Variants in CDC14B observed in about 807,000 individuals in gnomAD.
CDC14B encodes dual specificity protein phosphatase CDC14B.
In CDC14B, 22 loss-of-function variants were observed where a neutral mutation model predicts 64.2. The observed-to-expected ratio is 0.34, with a 90% CI of 0.24 to 0.49. CDC14B has a LOEUF of 0.49. Ranked by LOEUF, CDC14B falls within the 20% of genes least tolerant of loss-of-function variation. The pLI is 0.99. For synonymous variants in CDC14B, 191 were observed against 215.8 expected (o/e 0.89, Z 1.01); for missense variants, 498 against 629.9 (o/e 0.79, Z 2.24).
At chr9:96,616,931 G>A (rs1344170716) in intron 1 of CDC14B, among the ~76,000 whole-genome samples, 5 of 151,974 alleles carry the variant, frequency 3.3e-5, no homozygotes, top group African/African-American at 1.2e-4. Context: ...ACTTTAATTG[G>A]CCTTGTATAT....
rs1249345899 is a variant in CDC14B at position 96,539,133 on chromosome 9, T to C, written c.572A>G (p.Gln191Arg). 4 of 1,603,158 alleles carry C rather than the reference T, an allele frequency of 2.5e-6. No homozygotes were observed. The highest frequency in any genetic ancestry group is 2.6e-6 in the Non-Finnish European group (3 of 1,170,344). ...TGAGTTGAAATTAAGGAAGCCATAC[T>C]GCATTGCCTAAAATCCAAAAGAAAG... ...DCFHAVKKAM[Q>R]YGFLNFNSFN... is the part of the protein sequence containing the mutation. The change falls in exon 7 of 14, where the codon CAG becomes CGG. Residue 191 changes from glutamine to arginine, a missense_variant. By Grantham distance (43) the Gln-to-Arg change is conservative. Coordinates refer to ENST00000375241, the MANE Select transcript of CDC14B (RefSeq NM_033331.4).
At chr9:96,605,140 C>T (rs922176993) in intron 1 of CDC14B, among the ~76,000 whole-genome samples, 7 of 151,916 alleles carry the variant, frequency 4.6e-5, no homozygotes, top group Non-Finnish European at 7.4e-5. Flanking sequence ...TGAGAGGGAA[C>T]CAGCTAAGAA....
chr9:96,611,546 C>T (rs1029812408), intron 1 of CDC14B, among the ~76,000 whole-genome samples: 8 of 152,110 alleles, frequency 5.3e-5, no homozygotes, highest in African/African-American at 1.9e-4. Flanking sequence ...TTAGGTTATA[C>T]AAATATTCAG....
At chr9:96,562,136 T>C (rs1278571596) in intron 4 of CDC14B, among the ~76,000 whole-genome samples, 3 of 152,254 alleles carry the variant, frequency 2.0e-5, no homozygotes, top group Non-Finnish European at 2.9e-5. Context: ...ATGGCATATG[T>C]ATGTAATCCG....
chr9:96,548,047 G>A (rs912758579), intron 5 of CDC14B, among the ~76,000 whole-genome samples: 2 of 151,866 alleles, frequency 1.3e-5, no homozygotes, highest in East Asian at 1.9e-4. Context: ...GGATGGTCTC[G>A]ATCTCCTGAC....
intron 1 of CDC14B, among the ~76,000 whole-genome samples, chr9:96,572,542 C>A (rs1373049705): frequency 6.6e-6 from 1 of 152,076 alleles, no homozygotes; most frequent in Non-Finnish European, 1.5e-5. Flanking sequence ...TTTTCCCTAA[C>A]ACAACCTAAG....
At chr9:96,576,632 C>CAAAAAAAAAAAA (rs11304216) in intron 1 of CDC14B, among the ~76,000 whole-genome samples, 1 of 81,662 alleles carries the variant, frequency 1.2e-5, no homozygotes, top group Non-Finnish European at 2.5e-5. Flanking sequence ...GACTCCATCT[C>CAAAAAAAAAAAA]AAAAAAAAAA....
rs569376211 is a variant in CDC14B, at chr9:96,523,229, T to C, written c.1245+32A>G. On this transcript the variant is annotated intron_variant, in intron 11 of 13. Transcript: ENST00000375241. ...AGGTTCTCAATAGCAGTTAAAGCAG[T>C]AACAACATCGCAACAGAAACGGCTT... 1.4e-5 allele frequency: 22 copies of C among 1,611,254 alleles called. No homozygotes were observed. The African/African-American group carries it at 2.3e-4, about 17-fold the overall frequency.
At chr9:96,574,251 A>T (rs576387275) in intron 1 of CDC14B, among the ~76,000 whole-genome samples, 1 of 152,310 alleles carries the variant, frequency 6.6e-6, no homozygotes, top group East Asian at 1.9e-4. Context: ...CAGATATAAT[A>T]GGCAAAGATG....
chr9:96,500,794 G>A lies in CDC14B; in HGVS notation c.*2959C>T, dbSNP rs977091020. The A allele has an allele frequency of 5.9e-5, 9 of 152,184 alleles. No individual in the cohort carries two copies. The highest frequency in any genetic ancestry group is 1.9e-4 in the African/African-American group (8 of 41,422). The allele number at this position is 152,184 out of a possible 1,614,324, so 9.4% of individuals were successfully genotyped here. A position where few individuals can be genotyped will look rare whatever the true frequency, so the allele number is the denominator to read the frequency against. On this transcript the variant is annotated 3_prime_UTR_variant, in exon 14 of 14. Coordinates refer to ENST00000375241, the MANE Select transcript of CDC14B (RefSeq NM_033331.4). The stretch of plus-strand genomic sequence containing the variant: ...TGTTAAGAACAGACATCCAATGAGT[G>A]CACTGCTTCTGTGGCTCCAAAGGTG...
At chr9:96,493,681 TTAGG>T (rs1236302994) in intron 13 of CDC14B, among the ~76,000 whole-genome samples, 1 of 152,014 alleles carries the variant, frequency 6.6e-6, no homozygotes, top group South Asian at 2.1e-4. Flanking sequence ...AATTTTAAAA[TTAGG>T]TGGGTGGCAC....
Position 96,503,086 on chromosome 9 carries a change from A to T in CDC14B, c.*667T>A, listed in dbSNP as rs1405878046. 9 of 388,302 alleles carry T rather than the reference A, an allele frequency of 2.3e-5. No individual in the cohort carries two copies. Among genetic ancestry groups the T allele is most frequent in the Non-Finnish European group, 3.6e-5 (8 of 220,054 alleles). 24.1% of individuals were successfully genotyped at this position (388,302 alleles called of 1,614,324 possible). On this transcript the variant is annotated 3_prime_UTR_variant, in exon 14 of 14. Transcript: ENST00000375241. Reference sequence around the variant, plus strand: ...TCCTCCTGAGTCTTCTAAAGCTACCATTAATATTCTCTTGCAAGTTTTAGG... The same window carrying T: ...TCCTCCTGAGTCTTCTAAAGCTACCTTTAATATTCTCTTGCAAGTTTTAGG...
At chr9:96,548,796 G>T (rs113086164) in intron 5 of CDC14B, among the ~76,000 whole-genome samples, 3 of 148,212 alleles carry the variant, frequency 2.0e-5, no homozygotes, top group African/African-American at 7.5e-5. Context: ...GCAAGAATCT[G>T]TCTTTAAAAA....
At chr9:96,527,860 C>T (rs571575236) in intron 9 of CDC14B, among the ~76,000 whole-genome samples, 59 of 152,176 alleles carry the variant, frequency 3.9e-4, no homozygotes, top group African/African-American at 1.4e-3. Context: ...CGTGATCCGC[C>T]CACCTCAGCC....
At chr9:96,508,676 A>G (rs1834507719) in intron 13 of CDC14B, among the ~76,000 whole-genome samples, 1 of 152,214 alleles carries the variant, frequency 6.6e-6, no homozygotes, top group Non-Finnish European at 1.5e-5. Context: ...GTAAGGTTGT[A>G]CAAAACAGTG....
rs1833172615 is a variant in CDC14B at position 96,494,680 on chromosome 9, C to G, written c.*81-1428G>C. 1.3e-5 allele frequency among the ~76,000 whole-genome samples: 2 copies of G among 152,154 alleles called. 1 individual carries two copies. Among genetic ancestry groups the G allele is most frequent in the East Asian group, 3.9e-4 (2 of 5,186 alleles). On this transcript the variant is annotated intron_variant and NMD_transcript_variant, in intron 13 of 13. Transcript: ENST00000474602. ...CTCTGTGGGGAAAATCAGGGAACCA[C>G]TGCCATCTGAGCACTCTTTTCTTTC... is the stretch of plus-strand genomic sequence containing the variant.
intron 12 of CDC14B, among the ~76,000 whole-genome samples, chr9:96,520,769 T>C (rs1042891391): frequency 7.2e-5 from 11 of 152,174 alleles, no homozygotes; most frequent in Admixed American, 4.6e-4. Context: ...GTGTGGTCCC[T>C]GGACCAGCAG....
rs113669743 is a variant in CDC14B, at chr9:96,583,475, C to T, written c.161-17992G>A. On this transcript the variant is annotated intron_variant, in intron 1 of 13. Coordinates refer to ENST00000375241, the MANE Select transcript of CDC14B (RefSeq NM_033331.4). ...GCAATGGTGTGATCTCGGCTTACTG[C>T]AACCTCCACCTTCCGGGTTCAAGCG... Among the ~76,000 whole-genome samples, 1,041 of 150,608 alleles carry T rather than the reference C, an allele frequency of 6.9e-3. 15 individuals are homozygous for T. The highest frequency in any genetic ancestry group is 0.023 in the African/African-American group (962 of 41,148).
chr9:96,515,977 A>T lies in CDC14B; in HGVS notation c.1344-6188T>A, dbSNP rs536837620. Among the ~76,000 whole-genome samples the T allele has an allele frequency of 6.6e-6, 1 of 152,338 alleles. No individual in the cohort carries two copies. Among genetic ancestry groups the T allele is most frequent in the East Asian group, 1.9e-4 (1 of 5,194 alleles). On this transcript the variant is annotated intron_variant, in intron 12 of 13. Transcript: ENST00000375241. This position sits in a 1 kb window ranked among gnomAD's most constrained non-coding sequence, Gnocchi z 4.3. ...TTGCCATTTTATGTTGAATAAAAAA[A>T]TGCTGTGTTTAAACAGGTTTCATAC...
Sources: gnomAD v4.1 joint callset for allele counts (sites outside exome capture counted in the v4.1 genomes callset) on GRCh38, gnomAD v4.1.1 for gene constraint, Gnocchi (gnomAD v3.1) non-coding constraint, MANE v1.5 for transcripts, NCBI Gene and HGNC (gene_info 2026-07-23, HGNC 2026-07-21) for gene names.